ETNK1: variants seen among roughly 807,000 people sequenced by gnomAD.
ETNK1 encodes the protein ethanolamine kinase 1.
Under a neutral mutation model 45.1 loss-of-function variants are expected in ETNK1, and 8 were observed. The ratio of observed to expected loss-of-function variants is 0.18; its 90% CI spans 0.10 to 0.32. The LOEUF is 0.32. Among genes scored for constraint, ETNK1 ranks in the 10% least tolerant of loss-of-function variants. The pLI is 1.00. For synonymous variants in ETNK1, 152 were observed against 151.9 expected (o/e 1.00, Z -0.01); for missense variants, 302 against 430.6 (o/e 0.70, Z 2.64).
chr12:22,683,692 G>A (rs999236503), intron 6 of ETNK1, among the ~76,000 whole-genome samples: 1 of 151,976 alleles, frequency 6.6e-6, no homozygotes, highest in African/African-American at 2.4e-5. Context: ...AAATACCAAG[G>A]TCATGGCTGT....
At chr12:22,644,678 T>C (rs1236842692) in intron 2 of ETNK1, 5 of 153,568 alleles carry the variant, frequency 3.3e-5, no homozygotes, top group African/African-American at 1.2e-4. Context: ...TTATCAATAT[T>C]TACCATATTA....
rs1219967495 is a variant in ETNK1, at chr12:22,687,787, AT to A, written c.*2835del. 1 of 152,274 alleles carries A rather than the reference AT, an allele frequency of 6.6e-6. No homozygotes were observed. Among genetic ancestry groups the A allele is most frequent in the Non-Finnish European group, 1.5e-5 (1 of 67,800 alleles). The allele number at this position is 152,274 out of a possible 1,614,324, so 9.4% of individuals were successfully genotyped here. On this transcript the variant is annotated 3_prime_UTR_variant, in exon 8 of 8. Coordinates refer to ENST00000266517, the MANE Select transcript of ETNK1 (RefSeq NM_018638.5). ...CTGTATCTTGCATATGAGACTGTGT[AT>A]TGTTTTGCATTCTCTTCCCTTTTGT...
At chr12:22,675,517 G>A (rs1954151771) in intron 6 of ETNK1, among the ~76,000 whole-genome samples, 2 of 152,024 alleles carry the variant, frequency 1.3e-5, no homozygotes, top group Non-Finnish European at 2.9e-5. Context: ...CACCATGCCT[G>A]GCTGATTTTT....
At chr12:22,678,095 C>G (rs1954178012) in intron 6 of ETNK1, among the ~76,000 whole-genome samples, 1 of 152,118 alleles carries the variant, frequency 6.6e-6, no homozygotes, top group South Asian at 2.1e-4. Flanking sequence ...TCTATATCTT[C>G]TTTTTAGCTA....
intron 6 of ETNK1, among the ~76,000 whole-genome samples, chr12:22,680,163 C>T (rs1303989888): frequency 6.6e-6 from 1 of 152,134 alleles, no homozygotes; most frequent in Non-Finnish European, 1.5e-5. Flanking sequence ...CTACCCCTTC[C>T]AAGTTCTGTT....
intron 2 of ETNK1, among the ~76,000 whole-genome samples, chr12:22,653,513 G>A (rs1255790998): frequency 6.6e-6 from 1 of 151,924 alleles, no homozygotes; most frequent in Admixed American, 6.6e-5. Context: ...GTTTATTTGT[G>A]TATTTAATTT....
chr12:22,630,182 A>G (rs1953556328), intron 1 of ETNK1, among the ~76,000 whole-genome samples: 1 of 152,214 alleles, frequency 6.6e-6, no homozygotes, highest in South Asian at 2.1e-4. Context: ...AAATGGTATT[A>G]CCTTGGAAAG....
chr12:22,625,821 T>G, intron 1 of ETNK1: 1 of 725,052 alleles, frequency 1.4e-6, no homozygotes. Flanking sequence ...TAGAAGCCGC[T>G]GCGTAAGTGA....
At chr12:22,677,431 A>C (rs563140071) in intron 6 of ETNK1, among the ~76,000 whole-genome samples, 35 of 152,298 alleles carry the variant, frequency 2.3e-4, no homozygotes, top group African/African-American at 7.2e-4. Context: ...TATAGTTTGA[A>C]GTCAGGTAGC....
chr12:22,634,385 T>A (rs529411042), intron 1 of ETNK1, among the ~76,000 whole-genome samples: 7 of 152,158 alleles, frequency 4.6e-5, no homozygotes, highest in Non-Finnish European at 1.0e-4. Context: ...TGAAAGAGAT[T>A]GGTTTGTAAT....
intron 6 of ETNK1, among the ~76,000 whole-genome samples, chr12:22,676,982 T>C: frequency 6.6e-6 from 1 of 152,226 alleles, no homozygotes; most frequent in East Asian, 1.9e-4. Context: ...GACGATAGTT[T>C]CTTTTGCTGT....
Position 22,625,329 on chromosome 12 carries a change from G to C in ETNK1, c.-102G>C. On this transcript the variant is annotated 5_prime_UTR_variant, in exon 1 of 8. Transcript: ENST00000266517. ...CCCAGCGCCCCCAGCCCTCCCGCGA[G>C]GGCGCCCCGGGACGGAAGGATCCAC... 6.3e-7 allele frequency: 1 copy of C among 1,591,968 alleles called. No homozygotes were observed.
intron 1 of ETNK1, among the ~76,000 whole-genome samples, chr12:22,637,509 G>A (rs1428587152): frequency 6.6e-6 from 1 of 152,148 alleles, no homozygotes; most frequent in Non-Finnish European, 1.5e-5. Flanking sequence ...AATAAATGAG[G>A]GCAAGATGGT....
In ETNK1 at chr12:22,686,124, T is replaced by G. The variant is rs1283916448; in HGVS notation, c.*1170T>G. 1.3e-5 allele frequency: 2 copies of G among 152,334 alleles called. No homozygotes were observed. The highest frequency in any genetic ancestry group is 3.2e-3 in the Middle Eastern group (1 of 316). The allele number at this position is 152,334 out of a possible 1,614,324, so 9.4% of individuals were successfully genotyped here. ...TTAAAATCTGACAAATGACAAAATGTGAATTAAGCATAAATAGTCATGGCA... is the reference window on the plus strand; with the variant it reads ...TTAAAATCTGACAAATGACAAAATGGGAATTAAGCATAAATAGTCATGGCA... On this transcript the variant is annotated 3_prime_UTR_variant, in exon 8 of 8. Transcript: ENST00000266517.
intron 1 of ETNK1, among the ~76,000 whole-genome samples, chr12:22,626,394 A>G (rs2137506709): frequency 6.6e-6 from 1 of 151,906 alleles, no homozygotes; most frequent in African/African-American, 2.4e-5. Context: ...AGATACAAAA[A>G]TAGATCTCTT....
chr12:22,636,959 C>T (rs1438016186), intron 1 of ETNK1, among the ~76,000 whole-genome samples: 4 of 152,046 alleles, frequency 2.6e-5, no homozygotes, highest in East Asian at 3.9e-4. Flanking sequence ...GGCATTGTTG[C>T]GGGGGTGGGA....
intron 5 of ETNK1, among the ~76,000 whole-genome samples, chr12:22,671,841 T>TAAAAA (rs555930582): frequency 0.018 from 1,812 of 98,054 alleles, 73 homozygotes; most frequent in African/African-American, 0.075. Flanking sequence ...TCCATCTCAT[T>TAAAAA]AAAAAAAAAA....
At chr12:22,665,965 A>G (rs776709419) in intron 4 of ETNK1, among the ~76,000 whole-genome samples, 7 of 152,154 alleles carry the variant, frequency 4.6e-5, no homozygotes, top group Non-Finnish European at 7.4e-5. Flanking sequence ...GTGTATATAT[A>G]TATATGAGCA....
rs532082931 is a variant in ETNK1 at position 22,634,657 on chromosome 12, C to T, written c.156+9071C>T. Among the ~76,000 whole-genome samples, 353 of 152,182 alleles carry T rather than the reference C, an allele frequency of 2.3e-3. 8 individuals are homozygous for T. Among genetic ancestry groups the T allele is most frequent in the South Asian group, 0.021 (102 of 4,826 alleles). On this transcript the variant is annotated intron_variant, in intron 1 of 7. Coordinates refer to ENST00000266517, the MANE Select transcript of ETNK1 (RefSeq NM_018638.5). ...TTGCCCAGGATTGAGTGCAGTGGTG[C>T]GATCATGGCCCACTACAGCCTCGAC...
Sources: allele counts gnomAD v4.1 joint callset (sites outside exome capture counted in the v4.1 genomes callset), GRCh38; gene constraint gnomAD v4.1.1; transcripts MANE v1.5; gene names NCBI Gene and HGNC (gene_info 2026-07-23, HGNC 2026-07-21).